The following N4BP2L1 variants were observed in gnomAD, a reference collection of about 807,000 sequenced individuals.
N4BP2L1 encodes NEDD4-binding protein 2-like 1.
In N4BP2L1, 12 loss-of-function variants were observed where a neutral mutation model predicts 21.2. That is an observed-to-expected ratio of 0.57 (90% CI 0.36 to 0.92). The LOEUF (loss-of-function observed/expected upper bound fraction) is 0.92. Among genes scored for constraint, N4BP2L1 ranks in the 40% least tolerant of loss-of-function variants. The pLI is 0.01. For missense variants in N4BP2L1, 259 were observed against 310.6 expected, an observed-to-expected ratio of 0.83 and a Z score of 1.25; for synonymous variants, 104 against 112.8, an observed-to-expected ratio of 0.92 and a Z score of 0.49.
At chr13:32,417,314 C>A (rs1324123262) in intron 1 of N4BP2L1, among the ~76,000 whole-genome samples, 1 of 152,154 alleles carries the variant, frequency 6.6e-6, no homozygotes, top group Non-Finnish European at 1.5e-5. Context: ...GTAATTGAAT[C>A]ATGGCAATGG....
Position 32,402,131 on chromosome 13 carries a change from G to A in N4BP2L1, c.*811C>T. On this transcript the variant is annotated 3_prime_UTR_variant, in exon 5 of 5. Coordinates refer to ENST00000380130, the MANE Select transcript of N4BP2L1 (RefSeq NM_052818.3). ...ACACATGTTAATAGGCATAATTTTA[G>A]AAGTCGTTTATTCCTTTTAAAAGTT... 1.0e-6 allele frequency: 1 copy of A among 984,948 alleles called. No individual in the cohort carries two copies. Among genetic ancestry groups the A allele is most frequent in the Non-Finnish European group, 1.2e-6 (1 of 829,516 alleles). 61.0% of individuals were successfully genotyped at this position (984,948 alleles called of 1,614,324 possible).
chr13:32,404,466 T>C, intron 3 of N4BP2L1, 69 bp from the exon 4 acceptor site: 2 of 1,078,338 alleles, frequency 1.9e-6, no homozygotes, highest in Non-Finnish European at 2.8e-6. Context: ...TATGCTGCCA[T>C]TTAACATTTA....
At chr13:32,406,050 C>T (rs974395872) in intron 3 of N4BP2L1, among the ~76,000 whole-genome samples, 63 of 151,582 alleles carry the variant, frequency 4.2e-4, no homozygotes, top group African/African-American at 1.5e-3. Flanking sequence ...CTACAGGCGC[C>T]TGCCACCACG....
In N4BP2L1 at chr13:32,404,352, G is replaced by C; in HGVS notation, c.442C>G (p.Arg148Gly). 1 of 1,613,672 alleles carries C rather than the reference G, an allele frequency of 6.2e-7. No individual in the cohort carries two copies. The highest frequency in any genetic ancestry group is 1.1e-5 in the South Asian group (1 of 91,042). The change falls in exon 4 of 5, where the codon CGC becomes GGC. Residue 148 changes from arginine to glycine, a missense_variant. Transcript: ENST00000380130. ...AACTCTTGAACGTTGAATTTCCAGC[G>C]AGTGTCAGGTTCTCGGAATATAACT... ...YEVIFREPDT[R>G]WKFNVQELAR...
At chr13:32,428,243 G>A, upstream of N4BP2L1, 1 of 609,160 alleles carries the variant, frequency 1.6e-6, no homozygotes. Context: ...GTGCTGCGTG[G>A]GAGGGGGCGT....
At chr13:32,411,779 T>C in intron 1 of N4BP2L1, 3 of 974,812 alleles carry the variant, frequency 3.1e-6, no homozygotes, top group Non-Finnish European at 3.7e-6. Context: ...TATTTAATAA[T>C]AGAGAACCAT....
chr13:32,419,411 AATTTTTTTTTTTTTTTTTTT>A, intron 1 of N4BP2L1: 1 of 265,000 alleles, frequency 3.8e-6, no homozygotes, highest in Admixed American at 5.6e-5. Context: ...ATGCTTGGCT[AATTTTTTTTTTTTTTTTTTT>A]TTTTTTTTTT....
intron 1 of N4BP2L1, among the ~76,000 whole-genome samples, chr13:32,410,092 T>C (rs928320339): frequency 9.2e-5 from 14 of 152,224 alleles, no homozygotes; most frequent in African/African-American, 3.4e-4. Context: ...AAGTCTATTG[T>C]GTGGGCGCGG....
chr13:32,407,789 TGAGA>T lies in N4BP2L1; in HGVS notation c.180-21_180-18del, dbSNP rs771366669. ...TGCAATTGTCTGGAAAGTGGAGAAA[TGAGA>T]GAGAGAGATGTTTTAAATATATGTA... On this transcript the variant is annotated intron_variant, in intron 1 of 4. Coordinates refer to ENST00000380130, the MANE Select transcript of N4BP2L1 (RefSeq NM_052818.3). The T allele has an allele frequency of 1.3e-6, 2 of 1,564,146 alleles. No homozygotes were observed. Among genetic ancestry groups the T allele is most frequent in the South Asian group, 2.4e-5 (2 of 82,146 alleles).
At chr13:32,409,579 T>C (rs2137796760) in intron 1 of N4BP2L1, among the ~76,000 whole-genome samples, 1 of 152,318 alleles carries the variant, frequency 6.6e-6, no homozygotes, top group Admixed American at 6.5e-5. Flanking sequence ...GTAGCTGCTT[T>C]CAAGGAATTC....
At chr13:32,407,905 C>A (rs925819796) in intron 1 of N4BP2L1, 133 bp from the exon 2 acceptor site, 2 of 1,025,400 alleles carry the variant, frequency 2.0e-6, no homozygotes, top group Non-Finnish European at 2.8e-6. Flanking sequence ...TGTTAAAATG[C>A]AGTTTCAAAA....
intron 1 of N4BP2L1, among the ~76,000 whole-genome samples, chr13:32,419,659 C>T (rs1337347308): frequency 1.3e-5 from 2 of 152,232 alleles, no homozygotes; most frequent in South Asian, 4.1e-4. Flanking sequence ...TTTGCTTCCC[C>T]TTCCACCACG....
At chr13:32,417,296 A>C (rs1281363951) in intron 1 of N4BP2L1, among the ~76,000 whole-genome samples, 1 of 152,184 alleles carries the variant, frequency 6.6e-6, no homozygotes, top group East Asian at 1.9e-4. Flanking sequence ...GGAGGGACCT[A>C]GTGGGAGGTA....
intron 1 of N4BP2L1, among the ~76,000 whole-genome samples, chr13:32,424,234 G>A (rs930561565): frequency 2.6e-5 from 4 of 152,170 alleles, no homozygotes; most frequent in African/African-American, 9.7e-5. Flanking sequence ...AATCAAGCCC[G>A]GGAGCACACC....
chr13:32,412,243 C>T lies in N4BP2L1; in HGVS notation c.180-4471G>A, dbSNP rs1243693464. Among the ~76,000 whole-genome samples the T allele has an allele frequency of 2.6e-5, 4 of 152,020 alleles. 1 individual carries two copies. The highest frequency in any genetic ancestry group is 1.9e-4 in the East Asian group (1 of 5,190). ...ATGAGTTGAAAAACAGTATATTGAA[C>T]GCTGCTTACCCTTCATCTATGGTCA... On this transcript the variant is annotated intron_variant, in intron 1 of 4. Transcript: ENST00000380130.
intron 1 of N4BP2L1, among the ~76,000 whole-genome samples, chr13:32,420,785 C>T: frequency 6.6e-6 from 1 of 152,144 alleles, no homozygotes; most frequent in East Asian, 1.9e-4. Flanking sequence ...CTTCCACCTC[C>T]CAGGTTCAAG....
In N4BP2L1 at chr13:32,402,766, T is replaced by C; in HGVS notation, c.*176A>G. ...AATTCCCAGCATCAGACCATGCATA[T>C]AGAAGCACTTTAACAAATTTTGGTG... On this transcript the variant is annotated 3_prime_UTR_variant, in exon 5 of 5. Coordinates refer to ENST00000380130, the MANE Select transcript of N4BP2L1 (RefSeq NM_052818.3). 1 of 1,397,222 alleles carries C rather than the reference T, an allele frequency of 7.2e-7. No individual in the cohort carries two copies. The highest frequency in any genetic ancestry group is 9.3e-7 in the Non-Finnish European group (1 of 1,077,352). 86.6% of individuals were successfully genotyped at this position (1,397,222 alleles called of 1,614,324 possible).
Position 32,402,940 on chromosome 13 carries a change from C to CT in N4BP2L1, c.*1dup, listed in dbSNP as rs1593216165. 3 of 1,586,038 alleles carry CT rather than the reference C, an allele frequency of 1.9e-6. No homozygotes were observed. Among genetic ancestry groups the CT allele is most frequent in the African/African-American group, 1.4e-5 (1 of 74,034 alleles). ...AATTCTGCCTGGCTGTAAGATAGGCCTCTAATATCCATGGTGACAACCGCC... is the reference window on the plus strand; with the variant it reads ...AATTCTGCCTGGCTGTAAGATAGGCCTTCTAATATCCATGGTGACAACCGCC... On this transcript the variant is annotated 3_prime_UTR_variant, in exon 5 of 5. Transcript: ENST00000380130.
At chr13:32,424,516 T>A (rs553772517) in intron 1 of N4BP2L1, among the ~76,000 whole-genome samples, 3 of 152,190 alleles carry the variant, frequency 2.0e-5, no homozygotes, top group Non-Finnish European at 4.4e-5. Flanking sequence ...CTCATATGCT[T>A]ATTTGGCATA....
Sources: gnomAD v4.1 joint callset for allele counts (sites outside exome capture counted in the v4.1 genomes callset) on GRCh38, gnomAD v4.1.1 for gene constraint, MANE v1.5 for transcripts, NCBI Gene and HGNC (gene_info 2026-07-23, HGNC 2026-07-21) for gene names.